Variants in ITGA8 observed in about 807,000 individuals in gnomAD.
ITGA8 encodes integrin alpha-8.
A neutral mutation model predicts 142.3 loss-of-function variants in ITGA8; 91 were observed. The ratio of observed to expected loss-of-function variants is 0.64; its 90% CI spans 0.54 to 0.76. The LOEUF (loss-of-function observed/expected upper bound fraction) is 0.76. Among genes scored for constraint, ITGA8 ranks in the 30% least tolerant of loss-of-function variants. ITGA8 has a pLI of 0.00. For missense variants in ITGA8, 1,406 were observed against 1,327.7 expected (o/e 1.06, Z -0.92); for synonymous variants, 505 against 485.2 (o/e 1.04, Z -0.54).
At chr10:15,616,447 G>T in intron 14 of ITGA8, 67 bp downstream of exon 14, 4 of 1,189,606 alleles carry the variant, frequency 3.4e-6, no homozygotes, top group Non-Finnish European at 5.0e-6. Flanking sequence ...CTCTCTTTAA[G>T]GCAGAACTAA....
At chr10:15,690,413 G>A (rs1165820823) in intron 2 of ITGA8, among the ~76,000 whole-genome samples, 4 of 152,186 alleles carry the variant, frequency 2.6e-5, no homozygotes, top group Non-Finnish European at 4.4e-5. Flanking sequence ...CACTGTCATA[G>A]CTCCATCCCT....
chr10:15,718,672 G>T, intron 2 of ITGA8, 94 bp downstream of exon 2: 2 of 1,490,710 alleles, frequency 1.3e-6, no homozygotes, highest in Admixed American at 1.8e-5. Context: ...CAAGCTAAAC[G>T]AGCAGCACAC....
chr10:15,656,181 G>T (rs1834180399), intron 10 of ITGA8, among the ~76,000 whole-genome samples: 2 of 152,134 alleles, frequency 1.3e-5, no homozygotes, highest in South Asian at 4.1e-4. Context: ...TGAGTGCGCT[G>T]ATGACAAGAG....
At chr10:15,696,560 C>T (rs1835055763) in intron 2 of ITGA8, among the ~76,000 whole-genome samples, 1 of 152,288 alleles carries the variant, frequency 6.6e-6, no homozygotes, top group South Asian at 2.1e-4. Flanking sequence ...TGTCACTTAC[C>T]AATCTGGCTC....
chr10:15,582,279 C>T (rs141333949), intron 23 of ITGA8, among the ~76,000 whole-genome samples: 80 of 152,212 alleles, frequency 5.3e-4, no homozygotes, highest in African/African-American at 1.7e-3. Flanking sequence ...TTGGCCCTCA[C>T]CTCACACCAG....
At chr10:15,541,084 G>C (rs1272694016) in intron 27 of ITGA8, among the ~76,000 whole-genome samples, 1 of 152,206 alleles carries the variant, frequency 6.6e-6, no homozygotes, top group Non-Finnish European at 1.5e-5. Context: ...TATAAAGAGA[G>C]TTGCCAAGAG....
At chr10:15,592,995 A>G (rs779746986) in intron 21 of ITGA8, among the ~76,000 whole-genome samples, 28 of 152,218 alleles carry the variant, frequency 1.8e-4, no homozygotes, top group Non-Finnish European at 3.4e-4. Context: ...AAATGCTTCT[A>G]ATGTAATAAC....
At chr10:15,674,431 A>T (rs1391990432) in intron 6 of ITGA8, among the ~76,000 whole-genome samples, 1 of 152,222 alleles carries the variant, frequency 6.6e-6, no homozygotes, top group Non-Finnish European at 1.5e-5. Flanking sequence ...TTTTCAGTTT[A>T]AGGAGAAGAA....
chr10:15,608,387 C>A, intron 15 of ITGA8, 97 bp from the exon 16 acceptor site: 1 of 672,396 alleles, frequency 1.5e-6, no homozygotes, highest in Non-Finnish European at 2.5e-6. Flanking sequence ...ATCATTTTCT[C>A]TATATATTTC....
chr10:15,530,541 C>CAAAAAAAAA (rs57521125), intron 28 of ITGA8, among the ~76,000 whole-genome samples: 1 of 75,220 alleles, frequency 1.3e-5, no homozygotes, highest in African/African-American at 5.6e-5. Flanking sequence ...GCGAGACTCT[C>CAAAAAAAAA]AAAAAAAAAA....
intron 10 of ITGA8, among the ~76,000 whole-genome samples, chr10:15,658,214 C>T (rs1402388818): frequency 6.6e-6 from 1 of 152,170 alleles, no homozygotes; most frequent in African/African-American, 2.4e-5. Context: ...TTCCTGTGGT[C>T]TCACACAGTT....
chr10:15,595,704 A>T (rs1206623135), intron 21 of ITGA8, among the ~76,000 whole-genome samples: 1 of 152,158 alleles, frequency 6.6e-6, no homozygotes. Flanking sequence ...TCATCTACAG[A>T]TGCTGACACT....
At chr10:15,538,907 T>G (rs1833510354) in intron 27 of ITGA8, among the ~76,000 whole-genome samples, 1 of 150,958 alleles carries the variant, frequency 6.6e-6, no homozygotes, top group Admixed American at 6.6e-5. Context: ...AGTTCCAAAT[T>G]TTATGAAAGA....
At chr10:15,665,029 C>T (rs1265950575) in intron 8 of ITGA8, among the ~76,000 whole-genome samples, 1 of 152,014 alleles carries the variant, frequency 6.6e-6, no homozygotes, top group Non-Finnish European at 1.5e-5. Flanking sequence ...GGGTATATAC[C>T]CAGTAATGGG....
chr10:15,689,364 A>G (rs1834890793), intron 2 of ITGA8, among the ~76,000 whole-genome samples: 2 of 152,112 alleles, frequency 1.3e-5, no homozygotes, highest in African/African-American at 4.8e-5. Context: ...GTGAGAATAG[A>G]AACTCCGGAT....
intron 2 of ITGA8, among the ~76,000 whole-genome samples, chr10:15,718,338 A>G (rs1835492106): frequency 6.6e-6 from 1 of 152,202 alleles, no homozygotes; most frequent in Non-Finnish European, 1.5e-5. Flanking sequence ...GGTCTGCAGC[A>G]GCTAAGTCCT....
In ITGA8 at chr10:15,653,467, C is replaced by G. The variant is rs189849896; in HGVS notation, c.1001+1887G>C. Among the ~76,000 whole-genome samples the G allele has an allele frequency of 3.5e-4, 54 of 152,274 alleles. No individual in the cohort carries two copies. The East Asian group carries it at 5.4e-3, about 15-fold the overall frequency. On this transcript the variant is annotated intron_variant, in intron 11 of 29. Coordinates refer to ENST00000378076, the MANE Select transcript of ITGA8 (RefSeq NM_003638.3). ...TCCACACCGTCACATCAGAGGGGCA[C>G]GTTCATTCCAATCAATAAGCCTACA...
chr10:15,578,465 A>G (rs940997721), intron 23 of ITGA8, among the ~76,000 whole-genome samples: 21 of 152,130 alleles, frequency 1.4e-4, no homozygotes, highest in Non-Finnish European at 2.2e-4. Flanking sequence ...CAAAGCTGCT[A>G]TTAAGATTAA....
chr10:15,532,978 C>G lies in ITGA8; in HGVS notation c.2881-1827G>C, dbSNP rs118081793. ...TGTGGGACCTGGCATCTCTTCCCAG[C>G]TCTGTATTCCGTGACGATCATGGTG... On this transcript the variant is annotated intron_variant, in intron 27 of 29. Coordinates refer to ENST00000378076, the MANE Select transcript of ITGA8 (RefSeq NM_003638.3). Among the ~76,000 whole-genome samples the G allele has an allele frequency of 9.3e-3, 1,409 of 152,246 alleles. 8 individuals are homozygous for G. The highest frequency in any genetic ancestry group is 0.014 in the Non-Finnish European group (922 of 68,014).
Sources: allele counts gnomAD v4.1 joint callset (sites outside exome capture counted in the v4.1 genomes callset), GRCh38; gene constraint gnomAD v4.1.1; transcripts MANE v1.5; gene names NCBI Gene and HGNC (gene_info 2026-07-23, HGNC 2026-07-21).